Variants in KCNC2 observed in about 807,000 individuals in gnomAD.
The protein encoded by KCNC2 is potassium voltage-gated channel subfamily C member 2, also known as voltage-gated potassium channel KCNC2.
A neutral mutation model predicts 44.5 loss-of-function variants in KCNC2; 21 were observed. The observed-to-expected ratio is 0.47, with a 90% CI of 0.33 to 0.68. The LOEUF (loss-of-function observed/expected upper bound fraction) is 0.68, where lower values mean the gene tolerates loss of function less well. KCNC2 is among the 30% of genes least tolerant of loss of function. KCNC2 has a pLI of 0.01. For synonymous variants in KCNC2, 391 were observed against 339.1 expected (o/e 1.15, Z -1.68); for missense variants, 589 against 826.2 (o/e 0.71, Z 3.52).
At chr12:75,123,552 A>G (rs532514727) in intron 2 of KCNC2, among the ~76,000 whole-genome samples, 20 of 152,274 alleles carry the variant, frequency 1.3e-4, no homozygotes, top group South Asian at 4.1e-4. Flanking sequence ...AAGGAAACCA[A>G]TAGAGCAACA....
intron 2 of KCNC2, among the ~76,000 whole-genome samples, chr12:75,088,967 C>G (rs1255308400): frequency 1.3e-5 from 2 of 151,708 alleles, no homozygotes; most frequent in African/African-American, 2.4e-5. Context: ...CCCCATAAAA[C>G]AATGATAATA....
At chr12:75,071,562 C>T (rs969259882) in intron 2 of KCNC2, among the ~76,000 whole-genome samples, 2 of 152,048 alleles carry the variant, frequency 1.3e-5, no homozygotes, top group African/African-American at 4.8e-5. Flanking sequence ...TAAAACTGTA[C>T]CCCACCCAAT....
At chr12:75,134,044 TACA>T (rs1889049832) in intron 2 of KCNC2, among the ~76,000 whole-genome samples, 1 of 151,950 alleles carries the variant, frequency 6.6e-6, no homozygotes, top group Non-Finnish European at 1.5e-5. Context: ...TATTCTGATA[TACA>T]ACATGTCTGA....
At chr12:75,173,574 C>T (rs1891978092) in intron 2 of KCNC2, among the ~76,000 whole-genome samples, 1 of 151,822 alleles carries the variant, frequency 6.6e-6, no homozygotes, top group Admixed American at 6.6e-5. Flanking sequence ...CTCAGCTTTC[C>T]TCACCAGAGA....
At chr12:75,126,960 C>A (rs912994814) in intron 2 of KCNC2, among the ~76,000 whole-genome samples, 1 of 152,054 alleles carries the variant, frequency 6.6e-6, no homozygotes, top group Non-Finnish European at 1.5e-5. Context: ...GTATAATAAT[C>A]GAAAAGCTTC....
chr12:75,047,277 G>A (rs763455570), intron 4 of KCNC2, among the ~76,000 whole-genome samples: 1 of 151,884 alleles, frequency 6.6e-6, no homozygotes, highest in Non-Finnish European at 1.5e-5. Flanking sequence ...TAAAGGGGAG[G>A]AAAAGATCCC....
chr12:75,074,787 CA>C (rs1883762806), intron 2 of KCNC2, among the ~76,000 whole-genome samples: 1 of 152,110 alleles, frequency 6.6e-6, no homozygotes, highest in African/African-American at 2.4e-5. Flanking sequence ...TCCCTTGCCT[CA>C]AAAACACCTG....
At chr12:75,185,903 G>A (rs981329789) in intron 2 of KCNC2, among the ~76,000 whole-genome samples, 4 of 151,590 alleles carry the variant, frequency 2.6e-5, no homozygotes, top group South Asian at 4.2e-4. Flanking sequence ...AAAATTAGCC[G>A]GTCATGGTGG....
In KCNC2 at chr12:75,042,332, T is replaced by C. The variant is rs1348385199; in HGVS notation, c.*773A>G. 6 of 1,612,068 alleles carry C rather than the reference T, an allele frequency of 3.7e-6. No homozygotes were observed. In the African/African-American group the frequency reaches 8.0e-5, roughly 22 times the overall value. ...AAGTCATTAAGTAAGAGATCTGGCC[T>C]CGGCTTGCGTGTAACCAGTAATGAC... On this transcript the variant is annotated 3_prime_UTR_variant, in exon 5 of 5. Coordinates refer to ENST00000549446, the MANE Select transcript of KCNC2 (RefSeq NM_139137.4).
At chr12:75,100,157 A>G (rs1886260353) in intron 2 of KCNC2, among the ~76,000 whole-genome samples, 2 of 152,086 alleles carry the variant, frequency 1.3e-5, no homozygotes, top group Non-Finnish European at 2.9e-5. Flanking sequence ...CTAAAAATAC[A>G]TTAAATAGTA....
chr12:75,049,194 C>T lies in KCNC2; in HGVS notation c.1616-877G>A, dbSNP rs772960025. 2.0e-5 allele frequency among the ~76,000 whole-genome samples: 3 copies of T among 152,110 alleles called. No homozygotes were observed. The South Asian group carries it at 6.2e-4, about 32-fold the overall frequency. ...TGTGAATGAAACTTACAAACACTTA[C>T]AAACTTCAGCTCCAGCCACATTGTT... On this transcript the variant is annotated intron_variant, in intron 3 of 4. Coordinates refer to ENST00000549446, the MANE Select transcript of KCNC2 (RefSeq NM_139137.4).
In KCNC2 at chr12:75,051,332, G is replaced by T. The variant is rs776829308; in HGVS notation, c.688-15C>A. The T allele has an allele frequency of 6.9e-7, 1 of 1,448,944 alleles. No homozygotes were observed. Among genetic ancestry groups the T allele is most frequent in the Non-Finnish European group, 9.4e-7 (1 of 1,064,778 alleles). 89.8% of individuals were successfully genotyped at this position (1,448,944 alleles called of 1,614,324 possible). A position where few individuals can be genotyped will look rare whatever the true frequency, so the allele number is the denominator to read the frequency against. On this transcript the variant is annotated splice_polypyrimidine_tract_variant and intron_variant, in intron 2 of 4. Coordinates refer to ENST00000549446, the MANE Select transcript of KCNC2 (RefSeq NM_139137.4). ...AAAGCAATAAACTGTAGAGGAAAAA[G>T]AAATAAAAAAACCCATAGTGATCTG... is the stretch of plus-strand genomic sequence containing the variant.
intron 2 of KCNC2, among the ~76,000 whole-genome samples, chr12:75,197,648 A>G (rs1002565001): frequency 5.3e-5 from 8 of 152,056 alleles, no homozygotes; most frequent in African/African-American, 1.9e-4. Context: ...TTGAAATTCA[A>G]TAGTTGTCAA....
Position 75,207,661 on chromosome 12 carries a change from G to A in KCNC2, c.323C>T (p.Pro108Leu), listed in dbSNP as rs2031802679. 6.2e-7 allele frequency: 1 copy of A among 1,610,696 alleles called. No homozygotes were observed. The highest frequency in any genetic ancestry group is 8.5e-7 in the Non-Finnish European group (1 of 1,179,470). ...GGREFFFDRH[P>L]GVFAYVLNYY... Reference sequence around the variant, plus strand: ...ATTGAGCACATAGGCGAAGACGCCCGGGTGCCGGTCGAAGAAGAACTCGCG... The same window carrying A: ...ATTGAGCACATAGGCGAAGACGCCCAGGTGCCGGTCGAAGAAGAACTCGCG... The change falls in exon 2 of 5, where the codon CCG becomes CTG. Residue 108 changes from proline (P) to leucine (L), a missense_variant. By Grantham distance (98) the Pro-to-Leu change is moderately conservative. Around this residue, in one of 7 missense-constraint regions of KCNC2, gnomAD observed 40 missense variants for 102.0 expected, o/e 0.39. Transcript: ENST00000549446. The surrounding 1 kb of genome is among the most constrained non-coding windows in gnomAD (Gnocchi z 4.1).
At chr12:75,141,503 A>G (rs751638205) in intron 2 of KCNC2, among the ~76,000 whole-genome samples, 21 of 152,190 alleles carry the variant, frequency 1.4e-4, no homozygotes, top group Non-Finnish European at 2.8e-4. Flanking sequence ...ACAGAAACAC[A>G]TTTCTGACTA....
chr12:75,077,916 A>C (rs1884144899), intron 2 of KCNC2, among the ~76,000 whole-genome samples: 1 of 152,122 alleles, frequency 6.6e-6, no homozygotes, highest in African/African-American at 2.4e-5. Flanking sequence ...TATTGAAAAA[A>C]AACCCTAAAT....
chr12:75,201,051 T>G (rs1239120929), intron 2 of KCNC2, among the ~76,000 whole-genome samples: 1 of 151,456 alleles, frequency 6.6e-6, no homozygotes, highest in Non-Finnish European at 1.5e-5. Context: ...CACTGAATCT[T>G]AGACCTAAGA....
At chr12:75,149,226 A>T (rs982940971) in intron 2 of KCNC2, among the ~76,000 whole-genome samples, 12 of 151,512 alleles carry the variant, frequency 7.9e-5, no homozygotes, top group Non-Finnish European at 3.0e-5. Context: ...TGTGTAAAGT[A>T]TGTAATTTAT....
chr12:75,199,910 C>T (rs1257950405), intron 2 of KCNC2, among the ~76,000 whole-genome samples: 2 of 151,838 alleles, frequency 1.3e-5, no homozygotes, highest in East Asian at 3.9e-4. Context: ...GGGAGGTAAG[C>T]TCCTGCAGGT....
Sources: allele counts gnomAD v4.1 joint callset (sites outside exome capture counted in the v4.1 genomes callset), GRCh38; gene constraint gnomAD v4.1.1; regional missense constraint gnomAD v4.1.1; non-coding constraint Gnocchi (gnomAD v3.1); transcripts MANE v1.5; gene names NCBI Gene and HGNC (gene_info 2026-07-23, HGNC 2026-07-21).